The following LRPAP1 variants were observed in gnomAD, a reference collection of about 807,000 sequenced individuals.
LRPAP1 encodes alpha-2-macroglobulin receptor-associated protein.
A neutral mutation model predicts 39.9 loss-of-function variants in LRPAP1; 41 were observed. The ratio of observed to expected loss-of-function variants is 1.03; its 90% CI spans 0.80 to 1.33. LRPAP1 has a LOEUF of 1.33. LRPAP1 is among the 40% of genes most tolerant of loss of function. LRPAP1 has a pLI of 0.00. For synonymous variants in LRPAP1, 263 were observed against 212.7 expected (o/e 1.24, Z -2.06); for missense variants, 565 against 482.3 (o/e 1.17, Z -1.61).
At chr4:3,520,015 T>C in intron 3 of LRPAP1, 57 bp downstream of exon 3, 3 of 1,593,364 alleles carry the variant, frequency 1.9e-6, no homozygotes, top group Non-Finnish European at 8.6e-7. Context: ...AGCCCCCGCC[T>C]TAACACTCAA....
intron 2 of LRPAP1, among the ~76,000 whole-genome samples, chr4:3,520,989 T>C (rs1729892989): frequency 6.6e-6 from 1 of 152,218 alleles, no homozygotes; most frequent in Admixed American, 6.5e-5. Context: ...AGTCCTGCAC[T>C]TGGGATGTGA....
intron 2 of LRPAP1, among the ~76,000 whole-genome samples, chr4:3,521,184 C>T (rs1254034838): frequency 6.6e-6 from 1 of 152,196 alleles, no homozygotes; most frequent in Non-Finnish European, 1.5e-5. Context: ...CCCGCCCTTT[C>T]CTGGGGGCTG....
At chr4:3,531,028 T>G (rs1448679634) in intron 1 of LRPAP1, among the ~76,000 whole-genome samples, 1 of 152,100 alleles carries the variant, frequency 6.6e-6, no homozygotes, top group East Asian at 1.9e-4. Flanking sequence ...ACCTGTTCCC[T>G]GCTGCTGGGA....
At chr4:3,532,055 C>T in intron 1 of LRPAP1, 154 bp downstream of exon 1, 1 of 832,076 alleles carries the variant, frequency 1.2e-6, no homozygotes, top group Non-Finnish European at 1.8e-6. Flanking sequence ...CCCCACCTGA[C>T]ACTTGGGGGA....
At chr4:3,523,016 G>A (rs1577209242) in intron 2 of LRPAP1, among the ~76,000 whole-genome samples, 2 of 152,190 alleles carry the variant, frequency 1.3e-5, no homozygotes, top group South Asian at 4.1e-4. Context: ...TCTTTCCTGA[G>A]TGTGGGCAGG....
At chr4:3,519,688 C>T (rs1729847905) in intron 3 of LRPAP1, among the ~76,000 whole-genome samples, 1 of 152,210 alleles carries the variant, frequency 6.6e-6, no homozygotes, top group South Asian at 2.1e-4. Flanking sequence ...AGCCCAGCCC[C>T]ACACACGAGG....
chr4:3,513,551 C>T (rs1040953312), intron 7 of LRPAP1, among the ~76,000 whole-genome samples: 1 of 152,178 alleles, frequency 6.6e-6, no homozygotes, highest in Non-Finnish European at 1.5e-5. Flanking sequence ...TCAGATGATC[C>T]ACCCACCTCA....
chr4:3,518,819 G>GGGGCAGGAGGGGGTGGGGCAGA (rs1168748559), intron 4 of LRPAP1, 52 bp downstream of exon 4: 13 of 1,237,464 alleles, frequency 1.1e-5, no homozygotes, highest in African/African-American at 3.0e-5. Flanking sequence ...GGAGGGGTGG[G>GGGGCAGGAGGGGGTGGGGCAGA]GGGCAGGAGG....
chr4:3,505,647 C>T lies in LRPAP1; in HGVS notation c.*7327G>A, dbSNP rs538126643. 2.6e-5 allele frequency among the ~76,000 whole-genome samples: 4 copies of T among 152,078 alleles called. No homozygotes were observed. The highest frequency in any genetic ancestry group is 9.6e-5 in the African/African-American group (4 of 41,500). ...ACCCCAAGCCCGTCTATACCAGCTACCCCAAGACCGTCTATACCAGCTACC... is the reference window on the plus strand; with the variant it reads ...ACCCCAAGCCCGTCTATACCAGCTATCCCAAGACCGTCTATACCAGCTACC... On this transcript the variant is annotated 3_prime_UTR_variant, in exon 8 of 8. Transcript: ENST00000650182.
chr4:3,524,959 G>C lies in LRPAP1; in HGVS notation c.297C>G (p.Asp99Glu). Reference protein sequence around the residue: ...DELAWKKLKLDGLDEDGEKEA... With the variant: ...DELAWKKLKLEGLDEDGEKEA... ...CCTTCTCCCCATCTTCGTCCAAGCC[G>C]TCAAGCTTTAGTTTCTTCCAGGCGA... The change falls in exon 2 of 8, where the codon GAC (aspartate) becomes GAG (glutamate). Residue 99 changes from aspartate to glutamate, a missense_variant. Coordinates refer to ENST00000650182, the MANE Select transcript of LRPAP1 (RefSeq NM_002337.4). The C allele has an allele frequency of 6.2e-7, 1 of 1,614,160 alleles. No homozygotes were observed. The highest frequency in any genetic ancestry group is 8.5e-7 in the Non-Finnish European group (1 of 1,180,030).
In LRPAP1 at chr4:3,511,305, G is replaced by A. The variant is rs941249949; in HGVS notation, c.*1669C>T. 1 of 137,656 alleles carries A rather than the reference G, an allele frequency of 7.3e-6. No homozygotes were observed. Among genetic ancestry groups the A allele is most frequent in the East Asian group, 2.2e-4 (1 of 4,466 alleles). 8.5% of individuals were successfully genotyped at this position (137,656 alleles called of 1,614,324 possible). On this transcript the variant is annotated 3_prime_UTR_variant, in exon 8 of 8. Coordinates refer to ENST00000650182, the MANE Select transcript of LRPAP1 (RefSeq NM_002337.4). Reference sequence around the variant, plus strand: ...TGAGTGTTATTACCCCAGAAAGGAAGCAACTCAAATATCCACCCACAATAA... The same window carrying A: ...TGAGTGTTATTACCCCAGAAAGGAAACAACTCAAATATCCACCCACAATAA...
At chr4:3,513,134 A>G in intron 7 of LRPAP1, 98 bp from the exon 8 acceptor site, 1 of 891,190 alleles carries the variant, frequency 1.1e-6, no homozygotes, top group Non-Finnish European at 1.8e-6. Flanking sequence ...CCAAAAGGAA[A>G]AGGCGCAAGC....
chr4:3,516,912 C>A (rs950252683), intron 5 of LRPAP1, among the ~76,000 whole-genome samples: 1 of 152,368 alleles, frequency 6.6e-6, no homozygotes, highest in East Asian at 1.9e-4. Flanking sequence ...CCAGGCAGAC[C>A]CGCAAGAGAA....
In LRPAP1 at chr4:3,511,558, CCCTT is replaced by C. The variant is rs1729514787; in HGVS notation, c.*1412_*1415del. ...GGCACCCACATGCTGTACCCTGGGG[CCCTT>C]CCAACCCTGATGCGCCAACTCCCGA... On this transcript the variant is annotated 3_prime_UTR_variant, in exon 8 of 8. Coordinates refer to ENST00000650182, the MANE Select transcript of LRPAP1 (RefSeq NM_002337.4). The C allele has an allele frequency of 6.6e-6, 1 of 152,336 alleles. No individual in the cohort carries two copies. The highest frequency in any genetic ancestry group is 6.5e-5 in the Admixed American group (1 of 15,292). The allele number at this position is 152,336 out of a possible 1,614,324, so 9.4% of individuals were successfully genotyped here. A position where few individuals can be genotyped will look rare whatever the true frequency, so the allele number is the denominator to read the frequency against.
Position 3,511,091 on chromosome 4 carries a change from T to C in LRPAP1, c.*1883A>G, listed in dbSNP as rs1380534549. ...CAGCCAGGCTGTCCATAATTAAAAA[T>C]ACCGAGCACCAAGTCTCAGCAATCC... On this transcript the variant is annotated 3_prime_UTR_variant, in exon 8 of 8. Coordinates refer to ENST00000650182, the MANE Select transcript of LRPAP1 (RefSeq NM_002337.4). 1 of 152,192 alleles carries C rather than the reference T, an allele frequency of 6.6e-6. No individual in the cohort carries two copies. The highest frequency in any genetic ancestry group is 1.5e-5 in the Non-Finnish European group (1 of 68,028). The allele number at this position is 152,192 out of a possible 1,614,324, so 9.4% of individuals were successfully genotyped here. A position where few individuals can be genotyped will look rare whatever the true frequency, so the allele number is the denominator to read the frequency against.
rs374226988 is a variant in LRPAP1 at position 3,510,550 on chromosome 4, C to A, written c.*2424G>T. 1.3e-5 allele frequency: 2 copies of A among 152,254 alleles called. No individual in the cohort carries two copies. Among genetic ancestry groups the A allele is most frequent in the Non-Finnish European group, 2.9e-5 (2 of 68,052 alleles). 9.4% of individuals were successfully genotyped at this position (152,254 alleles called of 1,614,324 possible). On this transcript the variant is annotated 3_prime_UTR_variant, in exon 8 of 8. Transcript: ENST00000650182. Reference sequence around the variant, plus strand: ...CCAAATTAGGAGAAAAAAGCCTATGCAGCAAATAATCTGAAAGTTAAGGGA... The same window carrying A: ...CCAAATTAGGAGAAAAAAGCCTATGAAGCAAATAATCTGAAAGTTAAGGGA...
intron 5 of LRPAP1, 40 bp from the exon 6 acceptor site, chr4:3,516,238 G>A: frequency 6.7e-7 from 1 of 1,500,220 alleles, no homozygotes; most frequent in Non-Finnish European, 9.1e-7. Flanking sequence ...CAGCACCCGG[G>A]GTGCACACCA....
At chr4:3,517,892 G>T (rs868452286) in intron 5 of LRPAP1, 142 bp downstream of exon 5, 2 of 1,054,614 alleles carry the variant, frequency 1.9e-6, no homozygotes, top group African/African-American at 1.6e-5. Flanking sequence ...GACCACCCGT[G>T]GGTAGACTGA....
In LRPAP1 at chr4:3,516,179, C is replaced by T. The variant is rs1173514846; in HGVS notation, c.771G>A (p.Val257=). The T allele has an allele frequency of 1.3e-6, 2 of 1,578,556 alleles. No individual in the cohort carries two copies. The change falls in exon 6 of 8, where the codon GTG becomes GTA. Residue 257 remains valine, a synonymous_variant. Transcript: ENST00000650182. ...STEAEFEEPR[V]IDLWDLAQSA... Reference sequence around the variant, plus strand: ...ACTGCGCCAGGTCCCACAGGTCAATCACCCTGGGCTCCTCGAACTCTGCAG... The same window carrying T: ...ACTGCGCCAGGTCCCACAGGTCAATTACCCTGGGCTCCTCGAACTCTGCAG...
Sources: allele counts gnomAD v4.1 joint callset (sites outside exome capture counted in the v4.1 genomes callset), GRCh38; gene constraint gnomAD v4.1.1; transcripts MANE v1.5; gene names NCBI Gene and HGNC (gene_info 2026-07-23, HGNC 2026-07-21).